Variants in SMYD3 observed in about 807,000 individuals in gnomAD.
The protein encoded by SMYD3 is SET and MYND domain containing 3, also known as histone-lysine N-methyltransferase SMYD3.
SMYD3 carries 36 observed loss-of-function variants against 57.7 expected under a neutral mutation model. The ratio of observed to expected loss-of-function variants is 0.62; its 90% CI spans 0.48 to 0.82. The LOEUF (loss-of-function observed/expected upper bound fraction) is 0.82. Ranked by LOEUF, SMYD3 falls within the 40% of genes least tolerant of loss-of-function variation. SMYD3 has a pLI of 0.00. For synonymous variants in SMYD3, 211 were observed against 195.0 expected, an observed-to-expected ratio of 1.08 and a Z score of -0.68; for missense variants, 515 against 538.8, an observed-to-expected ratio of 0.96 and a Z score of 0.44.
intron 5 of SMYD3, among the ~76,000 whole-genome samples, chr1:246,091,682 T>A (rs899006619): frequency 2.6e-5 from 4 of 152,216 alleles, no homozygotes; most frequent in Non-Finnish European, 5.9e-5. Context: ...TGTCTGTGTA[T>A]GACTGAAGCT....
rs2049774207 is a variant in SMYD3 at position 245,830,531 on chromosome 1, T to C, written c.1076+27965A>G. On this transcript the variant is annotated intron_variant, in intron 10 of 11. Coordinates refer to ENST00000490107, the MANE Select transcript of SMYD3 (RefSeq NM_001167740.2). ...ATTTGGGTGGGGACACAACCAAACC[T>C]TATCAGTGTGTGGGTAGGCAACTGG... Among the ~76,000 whole-genome samples, 2 of 152,318 alleles carry C rather than the reference T, an allele frequency of 1.3e-5. 1 individual carries two copies. The highest frequency in any genetic ancestry group is 1.3e-4 in the Admixed American group (2 of 15,308).
At chr1:245,749,707 T>G (rs1411687501) in intron 11 of SMYD3, 43 bp from the exon 12 acceptor site, 2 of 1,521,290 alleles carry the variant, frequency 1.3e-6, no homozygotes, top group Non-Finnish European at 1.8e-6. Context: ...CCAAAATAGG[T>G]GAGCTCAGGC....
intron 5 of SMYD3, among the ~76,000 whole-genome samples, chr1:246,039,865 A>G (rs12143713): frequency 0.03 from 4,536 of 152,308 alleles, 98 homozygotes; most frequent in South Asian, 0.042. Context: ...ACCAGGCCCA[A>G]TAGTTCTCAA....
At chr1:246,082,698 AAGAGAGATC>A (rs1276081808) in intron 5 of SMYD3, among the ~76,000 whole-genome samples, 1 of 152,142 alleles carries the variant, frequency 6.6e-6, no homozygotes, top group East Asian at 1.9e-4. Context: ...GGGGAAAAGA[AAGAGAGATC>A]AGACTGTTAC....
chr1:246,125,071 CAAAAAAAA>C (rs35080862), intron 5 of SMYD3, among the ~76,000 whole-genome samples: 10 of 121,692 alleles, frequency 8.2e-5, no homozygotes, highest in Admixed American at 5.1e-4. Context: ...GACTCCGTCT[CAAAAAAAA>C]AAAAAAAAAC....
chr1:245,816,880 C>T (rs1198473463), intron 10 of SMYD3, among the ~76,000 whole-genome samples: 2 of 138,952 alleles, frequency 1.4e-5, no homozygotes, highest in African/African-American at 4.9e-5. Flanking sequence ...TATCCCGCAT[C>T]TGGCTCGGAG....
intron 1 of SMYD3, among the ~76,000 whole-genome samples, chr1:246,462,683 C>T (rs1182842870): frequency 2.6e-5 from 4 of 152,122 alleles, no homozygotes; most frequent in Non-Finnish European, 4.4e-5. Context: ...CACAAACACA[C>T]TAAGGATTTT....
intron 5 of SMYD3, among the ~76,000 whole-genome samples, chr1:245,976,549 TAGGGAAAGCCATCGTCTCCGGCCC>T (rs1349079161): frequency 2.1e-4 from 3 of 14,272 alleles, no homozygotes; most frequent in Admixed American, 5.9e-4. Context: ...GTCTCTAGCC[TAGGGAAAGCCATCGTCTCCGGCCC>T]AGGGAAAGCC....
intron 5 of SMYD3, among the ~76,000 whole-genome samples, chr1:246,109,248 C>G (rs770855583): frequency 6.6e-6 from 1 of 152,094 alleles, no homozygotes; most frequent in Non-Finnish European, 1.5e-5. Flanking sequence ...ATGTTACAAA[C>G]GTAAAATTAT....
chr1:245,922,891 A>G (rs2056080987), intron 7 of SMYD3, among the ~76,000 whole-genome samples: 1 of 152,204 alleles, frequency 6.6e-6, no homozygotes, highest in Non-Finnish European at 1.5e-5. Flanking sequence ...TGAGTTTTCT[A>G]AGATTCCAAA....
chr1:245,765,314 T>C (rs2817504), intron 10 of SMYD3, among the ~76,000 whole-genome samples: 32,917 of 151,352 alleles, frequency 0.22, 4,974 homozygotes, highest in African/African-American at 0.4. Flanking sequence ...GGAGGATCAC[T>C]TGAGCCCTGG....
intron 5 of SMYD3, among the ~76,000 whole-genome samples, chr1:246,070,060 T>C (rs1176800859): frequency 1.3e-5 from 2 of 152,130 alleles, no homozygotes; most frequent in Non-Finnish European, 2.9e-5. Flanking sequence ...TGAGAGATGG[T>C]TGCCCTGCCC....
At chr1:246,066,853 G>A (rs956424206) in intron 5 of SMYD3, among the ~76,000 whole-genome samples, 3 of 152,166 alleles carry the variant, frequency 2.0e-5, no homozygotes, top group East Asian at 1.9e-4. Flanking sequence ...ATTGCATGTC[G>A]TTTTATGTGT....
intron 1 of SMYD3, among the ~76,000 whole-genome samples, chr1:246,459,578 A>C (rs1355788187): frequency 6.6e-6 from 1 of 152,128 alleles, no homozygotes; most frequent in East Asian, 1.9e-4. Context: ...CTTCGCTTCC[A>C]GTTTCCTGAG....
intron 1 of SMYD3, among the ~76,000 whole-genome samples, chr1:246,402,008 C>T (rs1023981181): frequency 9.8e-5 from 15 of 152,332 alleles, no homozygotes; most frequent in Admixed American, 5.2e-4. Context: ...AGGCGTGGGC[C>T]GCCGTGCCTG....
chr1:245,855,469 C>T (rs952676878), intron 10 of SMYD3, among the ~76,000 whole-genome samples: 1 of 152,122 alleles, frequency 6.6e-6, no homozygotes, highest in Non-Finnish European at 1.5e-5. Flanking sequence ...GGCGAATTAA[C>T]ATTAGACTAA....
chr1:246,248,808 A>ATTTTT lies in SMYD3; in HGVS notation c.531+78388_531+78392dup, dbSNP rs1164274725. On this transcript the variant is annotated intron_variant, in intron 5 of 11. Coordinates refer to ENST00000490107, the MANE Select transcript of SMYD3 (RefSeq NM_001167740.2). ...AGGCGCCCGCCACCATGCCCGGCTA[A>ATTTTT]TTTTTTTTTTTTTTTTTTTTTGTAT... Among the ~76,000 whole-genome samples the ATTTTT allele has an allele frequency of 5.3e-3, 478 of 90,390 alleles. 22 individuals are homozygous for ATTTTT. The highest frequency in any genetic ancestry group is 0.019 in the African/African-American group (399 of 20,786). 59.3% of individuals were successfully genotyped at this position (90,390 alleles called of 152,430 possible). A position where few individuals can be genotyped will look rare whatever the true frequency, so the allele number is the denominator to read the frequency against.
intron 1 of SMYD3, among the ~76,000 whole-genome samples, chr1:246,467,504 G>C (rs1355514686): frequency 6.6e-6 from 1 of 152,082 alleles, no homozygotes; most frequent in Non-Finnish European, 1.5e-5. Flanking sequence ...AATCAGAGAT[G>C]GAAAAGGAGC....
intron 1 of SMYD3, among the ~76,000 whole-genome samples, chr1:246,436,266 A>G (rs1321468209): frequency 6.6e-6 from 1 of 152,046 alleles, no homozygotes; most frequent in Non-Finnish European, 1.5e-5. Context: ...ACATGGACTT[A>G]AACAAAAAAA....
Sources: allele counts gnomAD v4.1 joint callset (sites outside exome capture counted in the v4.1 genomes callset), GRCh38; gene constraint gnomAD v4.1.1; transcripts MANE v1.5; gene names NCBI Gene and HGNC (gene_info 2026-07-23, HGNC 2026-07-21).